The following CTNNAL1 variants were observed in gnomAD, a reference collection of about 807,000 sequenced individuals.
CTNNAL1 encodes the protein catenin alpha like 1.
CTNNAL1 carries 69 observed loss-of-function variants against 93.6 expected under a neutral mutation model. That is an observed-to-expected ratio of 0.74 (90% CI 0.61 to 0.90). The LOEUF (loss-of-function observed/expected upper bound fraction) is 0.90. Ranked by LOEUF, CTNNAL1 falls within the 40% of genes least tolerant of loss-of-function variation. The pLI is 0.00. For missense variants in CTNNAL1, 836 were observed against 862.0 expected, an observed-to-expected ratio of 0.97 and a Z score of 0.38; for synonymous variants, 286 against 305.4, an observed-to-expected ratio of 0.94 and a Z score of 0.66.
At chr9:108,989,039 G>A (rs528796293) in intron 4 of CTNNAL1, among the ~76,000 whole-genome samples, 2 of 152,306 alleles carry the variant, frequency 1.3e-5, no homozygotes, top group African/African-American at 2.4e-5. Flanking sequence ...CATTTAATGA[G>A]CTAAATTGCT....
At chr9:108,999,979 A>G (rs552563540) in intron 1 of CTNNAL1, among the ~76,000 whole-genome samples, 31 of 152,342 alleles carry the variant, frequency 2.0e-4, no homozygotes, top group Non-Finnish European at 3.7e-4. Context: ...GTTGTATGAA[A>G]AACATAGATT....
intron 14 of CTNNAL1, among the ~76,000 whole-genome samples, chr9:108,951,240 C>T (rs11791735): frequency 0.22 from 33,028 of 150,712 alleles, 4,435 homozygotes; most frequent in East Asian, 0.3. Flanking sequence ...TGGTCTCGAT[C>T]TCCTGACCTC....
chr9:108,975,134 G>GCTTGGGCAACAGAGTGAGACTCTATCTC (rs1831229962), intron 8 of CTNNAL1, among the ~76,000 whole-genome samples: 2 of 152,256 alleles, frequency 1.3e-5, no homozygotes, highest in Middle Eastern at 3.4e-3. Context: ...CTGCACTCCA[G>GCTTGGGCAACAGAGTGAGACTCTATCTC]CTTGGGCAAC....
Position 109,013,354 on chromosome 9 carries a change from A to G in CTNNAL1, c.89T>C (p.Leu30Pro), listed in dbSNP as rs758644620. 155 of 1,515,434 alleles carry G rather than the reference A, an allele frequency of 1.0e-4. No homozygotes were observed. In the African/African-American group the frequency reaches 2.0e-3, roughly 19 times the overall value. 93.9% of individuals were successfully genotyped at this position (1,515,434 alleles called of 1,614,324 possible). Residue 30 changes from leucine to proline, a missense_variant, in exon 1 of 19, where the codon CTG (leucine) becomes CCG (proline). Physicochemically the swap from Leu to Pro is moderately conservative, Grantham distance 98 (BLOSUM62 -3). Coordinates refer to ENST00000325551, the MANE Select transcript of CTNNAL1 (RefSeq NM_003798.4). ...CTCCACCGAGCGAGTTTTGATCTCCAGTCCCGAGTCGAGGGCGAAGCCCGA... is the reference window on the plus strand; with the variant it reads ...CTCCACCGAGCGAGTTTTGATCTCCGGTCCCGAGTCGAGGGCGAAGCCCGA... ...GSSGFALDSG[L>P]EIKTRSVEQT... is the part of the protein sequence containing the mutation.
At chr9:109,011,655 T>C (rs998987832) in intron 1 of CTNNAL1, among the ~76,000 whole-genome samples, 3 of 152,236 alleles carry the variant, frequency 2.0e-5, no homozygotes, top group Admixed American at 6.5e-5. Flanking sequence ...CAGCATAGTG[T>C]AGCAAAGAGA....
Position 108,983,262 on chromosome 9 carries a change from T to C in CTNNAL1, c.783A>G (p.Val261=), listed in dbSNP as rs753647790. The C allele has an allele frequency of 5.0e-6, 8 of 1,593,836 alleles. No homozygotes were observed. The South Asian group carries it at 9.1e-5, about 18-fold the overall frequency. Residue 261 remains valine, a synonymous_variant, in exon 6 of 19, where the codon GTA becomes GTG. Coordinates refer to ENST00000325551, the MANE Select transcript of CTNNAL1 (RefSeq NM_003798.4). ...CCAATGCCACTTTCATACGGTCAAA[T>C]ACTCCTTCTTTGTTTTTATGGGCTG... is the stretch of plus-strand genomic sequence containing the variant. ...CESAHKNKEG[V]FDRMKVALDK...
chr9:109,011,951 G>C (rs1042483943), intron 1 of CTNNAL1, among the ~76,000 whole-genome samples: 1 of 152,174 alleles, frequency 6.6e-6, no homozygotes, highest in Non-Finnish European at 1.5e-5. Flanking sequence ...TCTTAAAACT[G>C]CTCCAGTGTT....
At chr9:109,002,502 A>T (rs1316597862) in intron 1 of CTNNAL1, among the ~76,000 whole-genome samples, 1 of 152,054 alleles carries the variant, frequency 6.6e-6, no homozygotes, top group Non-Finnish European at 1.5e-5. Context: ...ACAGAAAGTC[A>T]CCCTCATTAA....
intron 11 of CTNNAL1, among the ~76,000 whole-genome samples, chr9:108,961,174 T>C (rs1175837615): frequency 6.6e-6 from 1 of 152,168 alleles, no homozygotes; most frequent in African/African-American, 2.4e-5. Context: ...ACAATAGTCA[T>C]AACAGGAGTC....
At chr9:108,964,965 T>A (rs956427470) in intron 11 of CTNNAL1, among the ~76,000 whole-genome samples, 1 of 152,020 alleles carries the variant, frequency 6.6e-6, no homozygotes, top group African/African-American at 2.4e-5. Context: ...CGGGTTCAAG[T>A]GATTCTCGTG....
chr9:109,009,551 G>A (rs1449645245), intron 1 of CTNNAL1, among the ~76,000 whole-genome samples: 1 of 151,932 alleles, frequency 6.6e-6, no homozygotes, highest in Non-Finnish European at 1.5e-5. Context: ...TGTATCACAG[G>A]TCTATGTTTT....
chr9:108,998,312 T>C (rs1832096335), intron 2 of CTNNAL1, among the ~76,000 whole-genome samples: 1 of 151,788 alleles, frequency 6.6e-6, no homozygotes, highest in Non-Finnish European at 1.5e-5. Flanking sequence ...CAACCCAAGA[T>C]GTCAGTAGCA....
chr9:109,004,309 T>G (rs558430359), intron 1 of CTNNAL1, among the ~76,000 whole-genome samples: 1 of 152,246 alleles, frequency 6.6e-6, no homozygotes, highest in South Asian at 2.1e-4. Context: ...GTGAAATAGG[T>G]TAATATTAAT....
intron 11 of CTNNAL1, among the ~76,000 whole-genome samples, chr9:108,957,367 G>T (rs138681464): frequency 1.3e-5 from 2 of 151,964 alleles, no homozygotes; most frequent in Non-Finnish European, 2.9e-5. Flanking sequence ...TGATCTTCCC[G>T]CCTTGGCCTG....
At chr9:108,972,864 G>GGGGGGGGGGGGGGGCCCCCCCCCCC in intron 8 of CTNNAL1, 31 bp from the exon 9 acceptor site, 11 of 142,528 alleles carry the variant, frequency 7.7e-5, no homozygotes, top group East Asian at 4.4e-4. Context: ...GGGGGGGTGG[G>GGGGGGGGGGGGGGGCCCCCCCCCCC]AGGGTGGAGA....
chr9:108,947,364 T>G (rs1830437954), intron 15 of CTNNAL1, among the ~76,000 whole-genome samples: 1 of 152,058 alleles, frequency 6.6e-6, no homozygotes, highest in Non-Finnish European at 1.5e-5. Flanking sequence ...CCACCCACCT[T>G]GGCCTCCCAA....
At chr9:108,947,359 C>T (rs1020403105) in intron 15 of CTNNAL1, among the ~76,000 whole-genome samples, 28 of 152,270 alleles carry the variant, frequency 1.8e-4, no homozygotes, top group African/African-American at 6.5e-4. Flanking sequence ...GTGATCCACC[C>T]ACCTTGGCCT....
chr9:108,997,625 C>G (rs993132772), intron 2 of CTNNAL1, among the ~76,000 whole-genome samples: 1 of 152,158 alleles, frequency 6.6e-6, no homozygotes, highest in African/African-American at 2.4e-5. Context: ...CAATCACTCT[C>G]CTCCTGCTGA....
intron 1 of CTNNAL1, among the ~76,000 whole-genome samples, chr9:109,007,606 G>A (rs1307903341): frequency 6.6e-6 from 1 of 152,202 alleles, no homozygotes; most frequent in Non-Finnish European, 1.5e-5. Context: ...TAAAGGAGGT[G>A]GGGAGGTACT....
Sources: gnomAD v4.1 joint callset for allele counts (sites outside exome capture counted in the v4.1 genomes callset) on GRCh38, gnomAD v4.1.1 for gene constraint, MANE v1.5 for transcripts, NCBI Gene and HGNC (gene_info 2026-07-23, HGNC 2026-07-21) for gene names.